Variants in NRG3 observed in about 807,000 individuals in gnomAD.
The protein encoded by NRG3 is pro-neuregulin-3, membrane-bound isoform.
A neutral mutation model predicts 66.9 loss-of-function variants in NRG3; 31 were observed. The ratio of observed to expected loss-of-function variants is 0.46; its 90% CI spans 0.35 to 0.63. NRG3 has a LOEUF of 0.63. NRG3 is among the 20% of genes least tolerant of loss of function. The probability of loss-of-function intolerance (pLI) is 0.00; values close to 1 mark genes in which losing one functional copy is unlikely to be tolerated. For missense variants in NRG3, 910 were observed against 878.9 expected, an observed-to-expected ratio of 1.04 and a Z score of -0.45; for synonymous variants, 393 against 359.4, an observed-to-expected ratio of 1.09 and a Z score of -1.06.
At chr10:82,680,329 G>A (rs12255330) in intron 2 of NRG3, among the ~76,000 whole-genome samples, 10,789 of 152,184 alleles carry the variant, frequency 0.071, 518 homozygotes, top group African/African-American at 0.12. Flanking sequence ...TGTGATGAAT[G>A]AAATGTGCCA....
intron 1 of NRG3, among the ~76,000 whole-genome samples, chr10:81,970,450 T>G (rs796414564): frequency 6.6e-6 from 1 of 152,236 alleles, no homozygotes; most frequent in African/African-American, 2.4e-5. Flanking sequence ...AGCAGTTTTT[T>G]AATTGATTCT....
intron 2 of NRG3, among the ~76,000 whole-genome samples, chr10:82,723,402 C>A (rs142648280): frequency 2.0e-5 from 3 of 152,200 alleles, no homozygotes; most frequent in African/African-American, 7.2e-5. Context: ...GATTGAACCC[C>A]AGAATCTCAG....
In NRG3 at chr10:82,393,832, C is replaced by A. The variant is rs543525493; in HGVS notation, c.953+34964C>A. Among the ~76,000 whole-genome samples, 5 of 152,300 alleles carry A rather than the reference C, an allele frequency of 3.3e-5. No individual in the cohort carries two copies. The South Asian group carries it at 1.0e-3, about 32-fold the overall frequency. On this transcript the variant is annotated intron_variant, in intron 2 of 8. Transcript: ENST00000372141. ...TCAGCAAGCTCCTGTTAGGGATCCA[C>A]TTACTGTCCTGCTGGTACCTGTGCA...
At chr10:82,553,484 A>T (rs1289757584) in intron 2 of NRG3, among the ~76,000 whole-genome samples, 1 of 152,110 alleles carries the variant, frequency 6.6e-6, no homozygotes, top group Non-Finnish European at 1.5e-5. Context: ...AATTTCTTTT[A>T]TAAATAGAAG....
intron 1 of NRG3, among the ~76,000 whole-genome samples, chr10:82,120,385 AT>A (rs1377643884): frequency 6.6e-6 from 1 of 152,120 alleles, no homozygotes; most frequent in African/African-American, 2.4e-5. Context: ...ATCAATAGTA[AT>A]ATTTAACCTA....
chr10:81,957,384 A>ACATCATTCTCTCCCTTG (rs1158126455), intron 1 of NRG3, among the ~76,000 whole-genome samples: 2 of 152,178 alleles, frequency 1.3e-5, no homozygotes, highest in East Asian at 3.9e-4. Flanking sequence ...TCTCTCCCTT[A>ACATCATTCTCTCCCTTG]CATCATTCTC....
intron 1 of NRG3, among the ~76,000 whole-genome samples, chr10:81,979,749 C>T (rs1002146297): frequency 8.5e-5 from 13 of 152,138 alleles, no homozygotes; most frequent in African/African-American, 1.9e-4. Context: ...AACTGCATTA[C>T]GGATTTACAA....
In NRG3 at chr10:82,569,010, C is replaced by A. The variant is rs1255937152; in HGVS notation, c.954-169567C>A. ...TGTCAGGTTCTCAAGTTCAAATGCC[C>A]TAAATTTCCATTCCTGATATCAACT... On this transcript the variant is annotated intron_variant, in intron 2 of 8. Transcript: ENST00000372141. Among the ~76,000 whole-genome samples, 5 of 151,710 alleles carry A rather than the reference C, an allele frequency of 3.3e-5. No homozygotes were observed. The East Asian group carries it at 9.7e-4, about 29-fold the overall frequency.
At chr10:82,440,842 C>G (rs557494552) in intron 2 of NRG3, among the ~76,000 whole-genome samples, 2 of 152,130 alleles carry the variant, frequency 1.3e-5, no homozygotes, top group Admixed American at 1.3e-4. Context: ...AATTATTATG[C>G]TTTGGTTGCA....
intron 2 of NRG3, among the ~76,000 whole-genome samples, chr10:82,449,747 C>A (rs1156821747): frequency 1.3e-5 from 2 of 152,150 alleles, no homozygotes. Flanking sequence ...CCCTACTCAA[C>A]GTCTTTCAGG....
chr10:81,986,840 A>C (rs947633886), intron 1 of NRG3, among the ~76,000 whole-genome samples: 2 of 151,950 alleles, frequency 1.3e-5, no homozygotes, highest in African/African-American at 4.8e-5. Flanking sequence ...ATTCCCAGCT[A>C]ATTTTATTTT....
At chr10:82,357,481 T>G (rs1589836255) in intron 1 of NRG3, among the ~76,000 whole-genome samples, 1 of 152,228 alleles carries the variant, frequency 6.6e-6, no homozygotes, top group African/African-American at 2.4e-5. Flanking sequence ...GAAAATACAT[T>G]TATTTTTTGC....
chr10:82,946,845 A>C (rs1350062947), intron 4 of NRG3, among the ~76,000 whole-genome samples: 1 of 152,188 alleles, frequency 6.6e-6, no homozygotes, highest in African/African-American at 2.4e-5. Context: ...TATAATCATA[A>C]AAGAAGACTA....
rs138158256 is a variant in NRG3, at chr10:82,831,439, T to C, written c.1028-33972T>C. 7.2e-3 allele frequency among the ~76,000 whole-genome samples: 1,055 copies of C among 147,148 alleles called. 7 individuals carry two copies. The highest frequency in any genetic ancestry group is 0.024 in the African/African-American group (952 of 39,322). ...TAATATTAGAAGACATCTTAATGTATATAGTATCTTATGGAACACAGTTTT... is the reference window on the plus strand; with the variant it reads ...TAATATTAGAAGACATCTTAATGTACATAGTATCTTATGGAACACAGTTTT... On this transcript the variant is annotated intron_variant, in intron 3 of 8. Coordinates refer to ENST00000372141, the MANE Select transcript of NRG3 (RefSeq NM_001010848.4).
intron 1 of NRG3, among the ~76,000 whole-genome samples, chr10:81,981,576 A>G (rs538017330): frequency 1.2e-3 from 177 of 152,230 alleles, no homozygotes; most frequent in African/African-American, 3.9e-3. Context: ...GGGAAGTGGC[A>G]GCCTGGTCCA....
intron 1 of NRG3, chr10:82,229,279 A>G (rs1215391240): frequency 2.6e-5 from 4 of 152,228 alleles, no homozygotes; most frequent in African/African-American, 4.8e-5. Context: ...ATTCACCAGA[A>G]AAATTTTGTC....
chr10:82,165,692 G>T (rs567830827), intron 1 of NRG3, among the ~76,000 whole-genome samples: 2 of 151,804 alleles, frequency 1.3e-5, no homozygotes, highest in South Asian at 2.1e-4. Context: ...GCATTTGTGA[G>T]TTTCTTTTTT....
chr10:81,979,187 C>CAAAAA (rs34468792), intron 1 of NRG3, among the ~76,000 whole-genome samples: 4 of 81,976 alleles, frequency 4.9e-5, no homozygotes, highest in South Asian at 8.1e-4. Context: ...GACTCCGTCT[C>CAAAAA]AAAAAAAAAA....
intron 1 of NRG3, among the ~76,000 whole-genome samples, chr10:82,153,167 C>A (rs1481238792): frequency 6.6e-6 from 1 of 151,992 alleles, no homozygotes; most frequent in Non-Finnish European, 1.5e-5. Context: ...TACTGTTTAG[C>A]TGAAACTTTT....
Sources: allele counts gnomAD v4.1 joint callset (sites outside exome capture counted in the v4.1 genomes callset), GRCh38; gene constraint gnomAD v4.1.1; transcripts MANE v1.5; gene names NCBI Gene and HGNC (gene_info 2026-07-23, HGNC 2026-07-21).